The following FHIT variants were observed in gnomAD, a reference collection of about 807,000 sequenced individuals.
The protein encoded by FHIT is bis(5'-adenosyl)-triphosphatase.
FHIT carries 19 observed loss-of-function variants against 17.9 expected under a neutral mutation model. That is an observed-to-expected ratio of 1.06 (90% CI 0.74 to 1.56). The LOEUF (loss-of-function observed/expected upper bound fraction) is 1.56, where lower values mean the gene tolerates loss of function less well. Among genes scored for constraint, FHIT ranks in the 40% most tolerant of loss-of-function variants. The pLI is 0.00. For synonymous variants in FHIT, 81 were observed against 69.7 expected (o/e 1.16, Z -0.81); for missense variants, 248 against 189.2 (o/e 1.31, Z -1.82).
At chr3:60,288,172 A>T (rs1250280182) in intron 5 of FHIT, among the ~76,000 whole-genome samples, 1 of 152,148 alleles carries the variant, frequency 6.6e-6, no homozygotes, top group Non-Finnish European at 1.5e-5. Context: ...TTGCTAGAGG[A>T]AGCTCTCCAT....
chr3:60,481,758 T>C (rs985024319), intron 5 of FHIT, among the ~76,000 whole-genome samples: 1 of 152,166 alleles, frequency 6.6e-6, no homozygotes, highest in African/African-American at 2.4e-5. Context: ...TATGAAGAAA[T>C]TGCATCAAAT....
chr3:61,023,274 T>C, intron 3 of FHIT, among the ~76,000 whole-genome samples: 1 of 152,030 alleles, frequency 6.6e-6, no homozygotes, highest in East Asian at 1.9e-4. Context: ...TACCCAGGAA[T>C]ACAACTTACA....
chr3:60,275,651 G>C (rs917844836), intron 5 of FHIT, among the ~76,000 whole-genome samples: 6 of 151,964 alleles, frequency 3.9e-5, no homozygotes, highest in African/African-American at 1.5e-4. Flanking sequence ...ACACACACCT[G>C]TGACCAGCAC....
At chr3:60,955,610 A>ATATATACACATATATATATATACATG (rs1709092437) in intron 3 of FHIT, among the ~76,000 whole-genome samples, 1 of 13,116 alleles carries the variant, frequency 7.6e-5, no homozygotes, top group Non-Finnish European at 1.8e-4. Context: ...ATATATATAT[A>ATATATACACATATATATATATACATG]TATATATATA....
At chr3:60,557,324 G>T (rs555270303) in intron 4 of FHIT, among the ~76,000 whole-genome samples, 20 of 152,022 alleles carry the variant, frequency 1.3e-4, no homozygotes, top group Non-Finnish European at 2.5e-4. Flanking sequence ...ATTGCATTAT[G>T]TGCTGTACTT....
At chr3:61,017,161 G>T (rs1467287231) in intron 3 of FHIT, among the ~76,000 whole-genome samples, 1 of 152,126 alleles carries the variant, frequency 6.6e-6, no homozygotes, top group Non-Finnish European at 1.5e-5. Context: ...ATGCTGGCAG[G>T]TGCCTGTAAT....
intron 8 of FHIT, among the ~76,000 whole-genome samples, chr3:59,835,455 GAC>G (rs1398702159): frequency 6.6e-6 from 1 of 152,062 alleles, no homozygotes; most frequent in African/African-American, 2.4e-5. Flanking sequence ...ATACTGCAAA[GAC>G]ACAAAGAAGA....
At chr3:60,060,955 A>G (rs1462638725) in intron 5 of FHIT, among the ~76,000 whole-genome samples, 1 of 152,190 alleles carries the variant, frequency 6.6e-6, no homozygotes, top group Non-Finnish European at 1.5e-5. Flanking sequence ...TAAGATCTAG[A>G]TATATTAGAG....
At position 60,019,290 on chromosome 3, in the gene FHIT, A is replaced by ATGACAGTC. The variant is rs369208608; in HGVS notation, c.104-5146_104-5139dup. Among the ~76,000 whole-genome samples, 907 of 152,278 alleles carry ATGACAGTC rather than the reference A, an allele frequency of 6.0e-3. 10 individuals are homozygous for ATGACAGTC. The highest frequency in any genetic ancestry group is 0.02 in the African/African-American group (842 of 41,562). Reference sequence around the variant, plus strand: ...GTCTTCTAAAAGGAGGAGTGGAAAGATGACAGTCAAAAGGGATATGGACAC... The same window carrying ATGACAGTC: ...GTCTTCTAAAAGGAGGAGTGGAAAGATGACAGTCTGACAGTCAAAAGGGATATGGACAC... On this transcript the variant is annotated intron_variant, in intron 5 of 9. Coordinates refer to ENST00000492590, the MANE Select transcript of FHIT (RefSeq NM_002012.4).
chr3:60,559,277 A>G (rs1450436176), intron 4 of FHIT, among the ~76,000 whole-genome samples: 1 of 152,222 alleles, frequency 6.6e-6, no homozygotes, highest in Admixed American at 6.5e-5. Flanking sequence ...AGAGGCATGC[A>G]TTTCTATAAA....
chr3:60,939,745 TTTC>T (rs1216166564), intron 3 of FHIT, among the ~76,000 whole-genome samples: 1 of 152,176 alleles, frequency 6.6e-6, no homozygotes, highest in East Asian at 1.9e-4. Context: ...TAAAAATTCC[TTTC>T]TTCAACAATT....
intron 3 of FHIT, among the ~76,000 whole-genome samples, chr3:60,878,797 T>C (rs1158089503): frequency 3.3e-5 from 5 of 152,188 alleles, no homozygotes; most frequent in Non-Finnish European, 7.3e-5. Flanking sequence ...GCTTCATCCA[T>C]GCCCCTACAA....
At chr3:60,330,496 T>C (rs1459985055) in intron 5 of FHIT, among the ~76,000 whole-genome samples, 1 of 152,216 alleles carries the variant, frequency 6.6e-6, no homozygotes, top group Non-Finnish European at 1.5e-5. Context: ...CTGTTCACTG[T>C]GCATTTCACT....
At chr3:60,245,780 A>T (rs1359451698) in intron 5 of FHIT, among the ~76,000 whole-genome samples, 2 of 152,094 alleles carry the variant, frequency 1.3e-5, no homozygotes, top group Non-Finnish European at 2.9e-5. Flanking sequence ...ATGTTTAAAA[A>T]TATAAATCAA....
chr3:61,058,316 A>G (rs917268732), intron 2 of FHIT, among the ~76,000 whole-genome samples: 7 of 152,216 alleles, frequency 4.6e-5, no homozygotes, highest in African/African-American at 1.7e-4. Context: ...CCAATAATTT[A>G]TATACATGTA....
chr3:61,110,642 C>T (rs984603452), intron 2 of FHIT, among the ~76,000 whole-genome samples: 1 of 152,118 alleles, frequency 6.6e-6, no homozygotes, highest in African/African-American at 2.4e-5. Flanking sequence ...TAGGATCTGG[C>T]CCAGAGCAGG....
intron 5 of FHIT, among the ~76,000 whole-genome samples, chr3:60,242,037 A>G (rs1705154512): frequency 6.6e-6 from 1 of 152,148 alleles, no homozygotes; most frequent in Admixed American, 6.6e-5. Flanking sequence ...CAATCATTAT[A>G]AAAACAGGGT....
At chr3:59,821,052 G>A (rs1079196) in intron 8 of FHIT, among the ~76,000 whole-genome samples, 33,400 of 152,080 alleles carry the variant, frequency 0.22, 4,039 homozygotes, top group African/African-American at 0.32. Flanking sequence ...CCAGGAAGCA[G>A]TTGGAAATAT....
At chr3:59,980,629 G>C (rs1211676618) in intron 7 of FHIT, among the ~76,000 whole-genome samples, 1 of 152,140 alleles carries the variant, frequency 6.6e-6, no homozygotes, top group East Asian at 1.9e-4. Flanking sequence ...AGAAGCCATG[G>C]CCAGGCCAAG....
Sources: allele counts gnomAD v4.1 joint callset (sites outside exome capture counted in the v4.1 genomes callset), GRCh38; gene constraint gnomAD v4.1.1; transcripts MANE v1.5; gene names NCBI Gene and HGNC (gene_info 2026-07-23, HGNC 2026-07-21).